Variants in HPS5 observed in about 807,000 individuals in gnomAD.
HPS5 encodes the protein BLOC-2 complex member HPS5.
In HPS5, 83 loss-of-function variants were observed where a neutral mutation model predicts 128.0. The ratio of observed to expected loss-of-function variants is 0.65; its 90% CI spans 0.54 to 0.78. The LOEUF is 0.78. Among genes scored for constraint, HPS5 ranks in the 30% least tolerant of loss-of-function variants. The pLI is 0.00. For missense variants in HPS5, 1,281 were observed against 1,326.2 expected (o/e 0.97, Z 0.53); for synonymous variants, 475 against 470.2 (o/e 1.01, Z -0.13).
At chr11:18,302,828 G>T (rs1861870182) in intron 8 of HPS5, among the ~76,000 whole-genome samples, 1 of 72,040 alleles carries the variant, frequency 1.4e-5, no homozygotes, top group Non-Finnish European at 2.9e-5. Flanking sequence ...AAAGCGGGGG[G>T]GGGGGGGGTG....
chr11:18,310,562 G>A (rs1862854890), intron 5 of HPS5, among the ~76,000 whole-genome samples, 179 bp downstream of exon 5: 1 of 152,194 alleles, frequency 6.6e-6, no homozygotes, highest in Non-Finnish European at 1.5e-5. Context: ...TAACGGTATT[G>A]AGCTAACAGG....
At chr11:18,315,311 C>A (rs1863483796) in intron 2 of HPS5, among the ~76,000 whole-genome samples, 1 of 152,134 alleles carries the variant, frequency 6.6e-6, no homozygotes, top group Non-Finnish European at 1.5e-5. Context: ...CTTATCTGAC[C>A]AAGAAAGCTT....
At chr11:18,282,295 T>C in intron 21 of HPS5, 75 bp from the exon 22 acceptor site, 3 of 1,536,164 alleles carry the variant, frequency 2.0e-6, no homozygotes, top group Non-Finnish European at 2.7e-6. Flanking sequence ...GTCAAAACTG[T>C]GAAAATGTTT....
At chr11:18,304,837 G>A (rs1862164696) in intron 8 of HPS5, among the ~76,000 whole-genome samples, 2 of 152,236 alleles carry the variant, frequency 1.3e-5, no homozygotes, top group Non-Finnish European at 2.9e-5. Context: ...TGCAGAACAA[G>A]GTGTAAGAAT....
At chr11:18,301,686 G>T (rs148006902) in intron 8 of HPS5, among the ~76,000 whole-genome samples, 28 of 152,178 alleles carry the variant, frequency 1.8e-4, no homozygotes, top group African/African-American at 6.5e-4. Context: ...GCAACAAAAA[G>T]CTGACAACTC....
At chr11:18,320,323 T>G (rs546269456) in intron 1 of HPS5, among the ~76,000 whole-genome samples, 18 of 152,280 alleles carry the variant, frequency 1.2e-4, no homozygotes, top group Non-Finnish European at 1.8e-4. Flanking sequence ...ATTCTCAAGA[T>G]GGAAAAAGAT....
chr11:18,296,286 T>C (rs957482943), intron 12 of HPS5, 164 bp from the exon 13 acceptor site: 5 of 685,052 alleles, frequency 7.3e-6, no homozygotes, highest in Non-Finnish European at 1.2e-5. Flanking sequence ...GTTTACAAAA[T>C]GCATGGGATG....
chr11:18,284,761 A>G (rs1027847745), intron 20 of HPS5, among the ~76,000 whole-genome samples: 4 of 152,250 alleles, frequency 2.6e-5, no homozygotes, highest in African/African-American at 7.2e-5. Flanking sequence ...CCAAAAGATT[A>G]TAATCCAGTT....
At chr11:18,291,217 T>C (rs975274158) in intron 16 of HPS5, among the ~76,000 whole-genome samples, 4 of 151,966 alleles carry the variant, frequency 2.6e-5, no homozygotes, top group African/African-American at 9.7e-5. Context: ...TCAAAAAAAA[T>C]AAAATAAATA....
chr11:18,281,789 G>A, intron 22 of HPS5, 161 bp downstream of exon 22: 1 of 816,222 alleles, frequency 1.2e-6, no homozygotes, highest in East Asian at 2.4e-5. Context: ...GGCTGTGAAT[G>A]AAATATTACT....
chr11:18,282,424 T>C (rs1859116589), intron 21 of HPS5, among the ~76,000 whole-genome samples: 1 of 148,960 alleles, frequency 6.7e-6, no homozygotes, highest in South Asian at 2.1e-4. Flanking sequence ...TTAACTTTAA[T>C]TTTTTTCTTT....
chr11:18,305,614 G>C, intron 7 of HPS5, 121 bp from the exon 8 acceptor site: 2 of 660,538 alleles, frequency 3.0e-6, no homozygotes, highest in Non-Finnish European at 5.4e-6. Flanking sequence ...AACTGCATCT[G>C]CCCTTATTCG....
intron 16 of HPS5, among the ~76,000 whole-genome samples, chr11:18,288,827 GGA>G (rs1460086255): frequency 6.6e-6 from 1 of 151,904 alleles, no homozygotes; most frequent in Admixed American, 6.6e-5. Flanking sequence ...ATGCGTGTGT[GGA>G]GAGACAGGGT....
chr11:18,308,924 G>A, intron 6 of HPS5, 22 bp downstream of exon 6: 1 of 1,612,932 alleles, frequency 6.2e-7, no homozygotes, highest in Non-Finnish European at 8.5e-7. Context: ...CATTTCTGAT[G>A]ACTAATGGTT....
intron 22 of HPS5, among the ~76,000 whole-genome samples, chr11:18,280,841 T>A (rs1005236590): frequency 1.3e-5 from 2 of 152,108 alleles, no homozygotes; most frequent in Non-Finnish European, 2.9e-5. Context: ...AATAGTAAAA[T>A]TAATAAAAAC....
chr11:18,281,575 CT>C (rs10712750), intron 22 of HPS5, among the ~76,000 whole-genome samples: 123,699 of 150,014 alleles, frequency 0.82, 51,218 homozygotes, highest in African/African-American at 0.91. Context: ...AATTTTTGTA[CT>C]TTTTTTTTTT....
Position 18,279,816 on chromosome 11 carries a change from A to G in HPS5, c.*66T>C. On this transcript the variant is annotated 3_prime_UTR_variant, in exon 23 of 23. Coordinates refer to ENST00000349215, the MANE Select transcript of HPS5 (RefSeq NM_181507.2). ...CTTTCCTTCAATAACAAATGCGTTC[A>G]GAAGGTTCAGGAGCATGATTTAGTT... 1 of 1,471,134 alleles carries G rather than the reference A, an allele frequency of 6.8e-7. No homozygotes were observed. The highest frequency in any genetic ancestry group is 2.3e-5 in the East Asian group (1 of 44,224). The allele number at this position is 1,471,134 out of a possible 1,614,324, so 91.1% of individuals were successfully genotyped here. A position where few individuals can be genotyped will look rare whatever the true frequency, so the allele number is the denominator to read the frequency against.
intron 1 of HPS5, among the ~76,000 whole-genome samples, chr11:18,318,602 G>T (rs374894029): frequency 4.6e-4 from 70 of 152,260 alleles, no homozygotes; most frequent in African/African-American, 1.6e-3. Context: ...GTTTTTATGT[G>T]TTCACCTACT....
At chr11:18,300,357 T>C (rs1281690653) in intron 9 of HPS5, among the ~76,000 whole-genome samples, 1 of 152,072 alleles carries the variant, frequency 6.6e-6, no homozygotes, top group Non-Finnish European at 1.5e-5. Flanking sequence ...GGGAAGTAAC[T>C]TACAATGGGA....
Sources: allele counts gnomAD v4.1 joint callset (sites outside exome capture counted in the v4.1 genomes callset), GRCh38; gene constraint gnomAD v4.1.1; transcripts MANE v1.5; gene names NCBI Gene and HGNC (gene_info 2026-07-23, HGNC 2026-07-21).